Variants in MYOZ3 observed in about 807,000 individuals in gnomAD.
MYOZ3 encodes myozenin-3.
Under a neutral mutation model 26.5 loss-of-function variants are expected in MYOZ3, and 19 were observed. The observed-to-expected ratio is 0.72, with a 90% confidence interval of 0.50 to 1.05. The LOEUF is 1.05. Among genes scored for constraint, MYOZ3 ranks in the 50% least tolerant of loss-of-function variants. The pLI, the probability that MYOZ3 is intolerant of heterozygous loss-of-function variation, is 0.00. For missense variants in MYOZ3, 322 were observed against 337.1 expected, an observed-to-expected ratio of 0.96 and a Z score of 0.35; for synonymous variants, 135 against 138.8, an observed-to-expected ratio of 0.97 and a Z score of 0.19.
intron 2 of MYOZ3, among the ~76,000 whole-genome samples, chr5:150,665,976 A>C (rs1228721548): frequency 6.6e-6 from 1 of 150,506 alleles, no homozygotes; most frequent in Non-Finnish European, 1.5e-5. Context: ...CAGAGGTTGC[A>C]GTGAGCCGAG....
rs1244907640 is a variant in MYOZ3 at position 150,665,896 on chromosome 5, G to T, written c.61+2894G>T. On this transcript the variant is annotated intron_variant, in intron 2 of 6. Transcript: ENST00000517768. ...ACTATAAATACAAAATTAGCCAGGC[G>T]TGATGGTGCATGCCTGCAATTCCAG... Among the ~76,000 whole-genome samples, 4 of 152,072 alleles carry T rather than the reference G, an allele frequency of 2.6e-5. No individual in the cohort carries two copies. In the East Asian group the frequency reaches 7.7e-4, roughly 29 times the overall value.
chr5:150,671,692 A>C, intron 4 of MYOZ3, 42 bp downstream of exon 4: 1 of 1,608,536 alleles, frequency 6.2e-7, no homozygotes, highest in Non-Finnish European at 8.5e-7. Flanking sequence ...AGCTGGGGGA[A>C]GGGGAGCGCG....
chr5:150,666,099 T>C (rs1288370541), intron 2 of MYOZ3, among the ~76,000 whole-genome samples: 2 of 151,704 alleles, frequency 1.3e-5, no homozygotes, highest in African/African-American at 4.8e-5. Context: ...CAGAATATGA[T>C]ACTGAGGGTG....
chr5:150,667,606 G>A (rs1016835007), intron 2 of MYOZ3, among the ~76,000 whole-genome samples: 32 of 151,334 alleles, frequency 2.1e-4, no homozygotes, highest in South Asian at 2.1e-4. Context: ...GTCAGTTAAC[G>A]CACATGCTGT....
Position 150,678,258 on chromosome 5 carries a change from G to A in MYOZ3, c.*1383G>A, listed in dbSNP as rs1251997831. On this transcript the variant is annotated 3_prime_UTR_variant, in exon 7 of 7. Coordinates refer to ENST00000517768, the MANE Select transcript of MYOZ3 (RefSeq NM_001122853.3). ...AGATTCCTTCTTTCCACTCCATTTT[G>A]AGCAGGCTGCTTAAAGTGGTGGTGA... The A allele has an allele frequency of 6.6e-6, 1 of 152,280 alleles. No homozygotes were observed. Among genetic ancestry groups the A allele is most frequent in the East Asian group, 1.9e-4 (1 of 5,222 alleles). 9.4% of individuals were successfully genotyped at this position (152,280 alleles called of 1,614,324 possible). A position where few individuals can be genotyped will look rare whatever the true frequency, so the allele number is the denominator to read the frequency against.
rs567262198 is a variant in MYOZ3 at position 150,663,647 on chromosome 5, C to T, written c.61+645C>T. ...AAGACCTCTTGAGGAACTCTTGATA[C>T]AATTTTGGAATCTGTTTATTTGGTC... On this transcript the variant is annotated intron_variant, in intron 2 of 6. Transcript: ENST00000517768. 7.0e-4 allele frequency among the ~76,000 whole-genome samples: 107 copies of T among 152,304 alleles called. 1 individual carries two copies. The highest frequency in any genetic ancestry group is 2.5e-3 in the African/African-American group (104 of 41,566).
chr5:150,661,018 G>A (rs1758721212), upstream of MYOZ3: 1 of 152,266 alleles, frequency 6.6e-6, no homozygotes, highest in Non-Finnish European at 1.5e-5. Flanking sequence ...ACCATTCTTG[G>A]CACTAAGGAT....
chr5:150,663,091 C>T, intron 2 of MYOZ3, 89 bp downstream of exon 2: 1 of 1,155,426 alleles, frequency 8.7e-7, no homozygotes, highest in Non-Finnish European at 1.2e-6. Context: ...GGCCCCAGGC[C>T]TGGGCAGACA....
chr5:150,671,468 A>C, intron 3 of MYOZ3, 129 bp from the exon 4 acceptor site: 2 of 931,452 alleles, frequency 2.1e-6, no homozygotes, highest in Non-Finnish European at 3.4e-6. Flanking sequence ...CTAGTAACTC[A>C]TCCTTGTTCC....
chr5:150,667,191 C>A (rs1428525617), intron 2 of MYOZ3, among the ~76,000 whole-genome samples: 1 of 152,126 alleles, frequency 6.6e-6, no homozygotes, highest in East Asian at 1.9e-4. Context: ...ATCACAGCAC[C>A]CAAGTGACCC....
intron 2 of MYOZ3, among the ~76,000 whole-genome samples, chr5:150,665,508 T>C (rs1308688012): frequency 2.0e-5 from 3 of 152,230 alleles, no homozygotes; most frequent in Admixed American, 1.3e-4. Flanking sequence ...AACATTCTTA[T>C]ACATGTATCT....
intron 6 of MYOZ3, among the ~76,000 whole-genome samples, chr5:150,676,369 C>T (rs897168341): frequency 2.0e-5 from 3 of 151,854 alleles, no homozygotes; most frequent in African/African-American, 7.3e-5. Context: ...CATGGTGAAA[C>T]CCCGTCTCTA....
At chr5:150,675,001 C>A (rs1758980700) in intron 6 of MYOZ3, among the ~76,000 whole-genome samples, 1 of 152,134 alleles carries the variant, frequency 6.6e-6, no homozygotes, top group Non-Finnish European at 1.5e-5. Context: ...CAGAGCAAGA[C>A]CCTGTCTCAA....
Position 150,676,973 on chromosome 5 carries a change from C to A in MYOZ3, c.*98C>A, listed in dbSNP as rs1581538794. ...CTTCACAGTTGAAGAAGGGCCTTCA[C>A]ACACAAAACCTGATTGCAAATGGCT... On this transcript the variant is annotated 3_prime_UTR_variant, in exon 7 of 7. Coordinates refer to ENST00000517768, the MANE Select transcript of MYOZ3 (RefSeq NM_001122853.3). 3.2e-6 allele frequency: 4 copies of A among 1,243,182 alleles called. No individual in the cohort carries two copies. The East Asian group carries it at 9.5e-5, about 29-fold the overall frequency. 77.0% of individuals were successfully genotyped at this position (1,243,182 alleles called of 1,614,324 possible).
In MYOZ3 at chr5:150,677,933, T is replaced by C; in HGVS notation, c.*1058T>C. On this transcript the variant is annotated 3_prime_UTR_variant, in exon 7 of 7. Transcript: ENST00000517768. ...CATGAAGGGGGTGTGAGGGGGAGGG[T>C]ATTTCTGGAAAGTGGACCAGCATGT... 6.6e-6 allele frequency: 1 copy of C among 151,432 alleles called. No individual in the cohort carries two copies. Among genetic ancestry groups the C allele is most frequent in the Non-Finnish European group, 1.5e-5 (1 of 68,012 alleles). 9.4% of individuals were successfully genotyped at this position (151,432 alleles called of 1,614,324 possible).
chr5:150,672,535 C>T (rs1388331422), intron 6 of MYOZ3, 33 bp downstream of exon 6: 1 of 1,478,358 alleles, frequency 6.8e-7, no homozygotes, highest in Admixed American at 2.1e-5. Context: ...GGGGACAGAC[C>T]GGGAGGGGCG....
In MYOZ3 at chr5:150,676,774, C is replaced by A. The variant is rs754130113; in HGVS notation, c.655C>A (p.Pro219Thr). ...TFPRPGTPFI[P>T]EPLSGLELLR... ...TCCCAGGCCAGGCACCCCCTTCATC[C>A]CGGAGCCCCTCAGTGGCTTGGAACT... The change falls in exon 7 of 7, where the codon CCG (proline) becomes ACG (threonine). Residue 219 changes from proline (P) to threonine (T), a missense_variant. Pro to Thr is a conservative substitution (Grantham distance 38). Transcript: ENST00000517768. 6.2e-7 allele frequency: 1 copy of A among 1,613,982 alleles called. No homozygotes were observed. Among genetic ancestry groups the A allele is most frequent in the African/African-American group, 1.3e-5 (1 of 74,892 alleles).
At chr5:150,674,776 G>C (rs570265106) in intron 6 of MYOZ3, among the ~76,000 whole-genome samples, 9 of 152,324 alleles carry the variant, frequency 5.9e-5, no homozygotes, top group Admixed American at 5.2e-4. Context: ...TTGGGAGGCC[G>C]AGGGAGGCGG....
At chr5:150,662,700 G>C (rs189682596) in intron 1 of MYOZ3, among the ~76,000 whole-genome samples, 1 of 152,288 alleles carries the variant, frequency 6.6e-6, no homozygotes, top group Admixed American at 6.5e-5. Flanking sequence ...AAGAGACAGT[G>C]CTTCCCTAGC....
Sources: allele counts gnomAD v4.1 joint callset (sites outside exome capture counted in the v4.1 genomes callset), GRCh38; gene constraint gnomAD v4.1.1; transcripts MANE v1.5; gene names NCBI Gene and HGNC (gene_info 2026-07-23, HGNC 2026-07-21).